The following PI4KA variants were observed in gnomAD, a reference collection of about 807,000 sequenced individuals.
PI4KA encodes the protein PI4-kinase alpha.
Under a neutral mutation model 271.4 loss-of-function variants are expected in PI4KA, and 122 were observed. That is an observed-to-expected ratio of 0.45 (90% confidence interval 0.39 to 0.52). PI4KA has a LOEUF of 0.52. Among genes scored for constraint, PI4KA ranks in the 20% least tolerant of loss-of-function variants. The pLI, the probability that PI4KA is intolerant of heterozygous loss-of-function variation, is 0.00. For synonymous variants in PI4KA, 1,041 were observed against 1,078.8 expected, an observed-to-expected ratio of 0.96 and a Z score of 0.69; for missense variants, 1,969 against 2,769.1, an observed-to-expected ratio of 0.71 and a Z score of 6.48.
intron 9 of PI4KA, among the ~76,000 whole-genome samples, chr22:20,808,715 G>C (rs574008957): frequency 6.7e-6 from 1 of 149,682 alleles, no homozygotes; most frequent in Admixed American, 6.7e-5. Flanking sequence ...GTCTCACTCT[G>C]TACCCCAGGC....
chr22:20,800,853 G>A (rs866332783), intron 14 of PI4KA, among the ~76,000 whole-genome samples: 42 of 145,180 alleles, frequency 2.9e-4, no homozygotes, highest in African/African-American at 8.0e-4. Context: ...CAGCCTGGGC[G>A]ACAAAGCAAG....
intron 9 of PI4KA, among the ~76,000 whole-genome samples, chr22:20,810,510 A>G (rs886342001): frequency 6.8e-6 from 1 of 147,626 alleles, no homozygotes; most frequent in African/African-American, 2.5e-5. Flanking sequence ...CTCCATCTCA[A>G]AAAAAAAAAA....
chr22:20,779,406 G>A, intron 19 of PI4KA: 1 of 1,614,226 alleles, frequency 6.2e-7, no homozygotes, highest in Non-Finnish European at 8.5e-7. Context: ...AGAGAAAGGA[G>A]GGGAAACTGC....
rs765740972 is a variant in PI4KA at position 20,713,424 on chromosome 22, T to C, written c.5462-34A>G. On this transcript the variant is annotated intron_variant, in intron 47 of 54. Transcript: ENST00000255882. ...AGGGAGAGAGGCCGCTGTTAGCCTGTAGGCAGTGAGAAGCCCTCTGAGGGG... is the reference window on the plus strand; with the variant it reads ...AGGGAGAGAGGCCGCTGTTAGCCTGCAGGCAGTGAGAAGCCCTCTGAGGGG... The C allele has an allele frequency of 9.9e-6, 15 of 1,517,760 alleles. No individual in the cohort carries two copies. In the African/African-American group the frequency reaches 1.1e-4, roughly 11 times the overall value. The allele number at this position is 1,517,760 out of a possible 1,614,324, so 94.0% of individuals were successfully genotyped here.
At chr22:20,820,416 TA>T in intron 5 of PI4KA, 122 bp downstream of exon 5, 1 of 679,614 alleles carries the variant, frequency 1.5e-6, no homozygotes, top group Non-Finnish European at 2.6e-6. Context: ...CAAATCAAAC[TA>T]AAATAGGAAG....
At chr22:20,783,245 A>T (rs1933934914) in intron 19 of PI4KA, among the ~76,000 whole-genome samples, 1 of 152,168 alleles carries the variant, frequency 6.6e-6, no homozygotes, top group South Asian at 2.1e-4. Flanking sequence ...GCAACATGGC[A>T]TCACCCAAAT....
At chr22:20,818,746 C>T (rs566134173) in intron 6 of PI4KA, among the ~76,000 whole-genome samples, 197 bp from the exon 7 acceptor site, 3 of 152,208 alleles carry the variant, frequency 2.0e-5, no homozygotes, top group East Asian at 1.9e-4. Context: ...TGTGTTTAGC[C>T]GTATATTTGA....
Position 20,807,457 on chromosome 22 carries a change from G to T in PI4KA, c.1073C>A (p.Ala358Asp). Residue 358 changes from alanine to aspartate, a missense_variant and splice_region_variant, in exon 10 of 55, where the codon GCC becomes GAC. By Grantham distance (126) the Ala-to-Asp change is moderately radical. Around this residue, in one of 13 missense-constraint regions of PI4KA, gnomAD observed 540 missense variants for 555.5 expected, o/e 0.97. Transcript: ENST00000255882. ...LDAIVASVME[A>D]NPSADLYYTS... is the part of the protein sequence containing the mutation. ...GTAGTAGAGATCAGCACTGGGGTTGGCCTGCAGGGAAGGCAGACACACATG... is the reference window on the plus strand; with the variant it reads ...GTAGTAGAGATCAGCACTGGGGTTGTCCTGCAGGGAAGGCAGACACACATG... 1.2e-6 allele frequency: 2 copies of T among 1,600,510 alleles called. No individual in the cohort carries two copies. Among genetic ancestry groups the T allele is most frequent in the Non-Finnish European group, 1.7e-6 (2 of 1,167,776 alleles).
Position 20,798,479 on chromosome 22 carries a change from T to A in PI4KA, c.2108+105A>T. 4.9e-6 allele frequency: 4 copies of A among 812,688 alleles called. No homozygotes were observed. The South Asian group carries it at 5.7e-5, about 12-fold the overall frequency. 50.3% of individuals were successfully genotyped at this position (812,688 alleles called of 1,614,324 possible). On this transcript the variant is annotated intron_variant, in intron 17 of 54. Coordinates refer to ENST00000255882, the MANE Select transcript of PI4KA (RefSeq NM_058004.4). ...TGTGCACTGATCTGTAGCATATAGT[T>A]TTCTTGCAAGAAGAGTTTATTTAAG...
In PI4KA at chr22:20,819,913, G is replaced by T. The variant is rs112249539; in HGVS notation, c.530-13C>A. On this transcript the variant is annotated splice_polypyrimidine_tract_variant and intron_variant, in intron 5 of 54. Coordinates refer to ENST00000255882, the MANE Select transcript of PI4KA (RefSeq NM_058004.4). Reference sequence around the variant, plus strand: ...TTGCAAAGGTATTCTAGAAGATCAAGTGAAAACGTTACAATATAAGAAAGT... The same window carrying T: ...TTGCAAAGGTATTCTAGAAGATCAATTGAAAACGTTACAATATAAGAAAGT... 3.1e-6 allele frequency: 5 copies of T among 1,608,716 alleles called. No individual in the cohort carries two copies. Among genetic ancestry groups the T allele is most frequent in the Admixed American group, 1.7e-5 (1 of 59,862 alleles).
chr22:20,758,390 C>A (rs3859861), intron 23 of PI4KA, among the ~76,000 whole-genome samples: 2,122 of 47,916 alleles, frequency 0.044, 115 homozygotes, highest in Middle Eastern at 0.1. Context: ...AAAAAAAAAA[C>A]ATGAGATTCT....
At chr22:20,723,456 G>A (rs899623349) in intron 42 of PI4KA, among the ~76,000 whole-genome samples, 3 of 151,964 alleles carry the variant, frequency 2.0e-5, no homozygotes, top group African/African-American at 7.2e-5. Context: ...CCAGCATTTT[G>A]GGAGGCCGAG....
Position 20,708,497 on chromosome 22 carries a change from C to T in PI4KA, c.6258-399G>A, listed in dbSNP as rs887680189. Among the ~76,000 whole-genome samples, 17 of 148,256 alleles carry T rather than the reference C, an allele frequency of 1.1e-4. 1 individual carries two copies. In the East Asian group the frequency reaches 1.7e-3, roughly 14 times the overall value. The stretch of plus-strand genomic sequence containing the variant: ...TCTCTGCTTCCTATCAGCAAGAGCT[C>T]CTTCCGTGCCCAGCCTCCACAGTGC... On this transcript the variant is annotated intron_variant, in intron 54 of 54. Transcript: ENST00000255882.
intron 3 of PI4KA, among the ~76,000 whole-genome samples, chr22:20,830,260 G>A (rs1923977578): frequency 6.6e-6 from 1 of 152,148 alleles, no homozygotes; most frequent in Non-Finnish European, 1.5e-5. Flanking sequence ...GTTATTATGT[G>A]GTTACCTAAG....
intron 1 of PI4KA, among the ~76,000 whole-genome samples, chr22:20,842,339 C>G (rs914350304): frequency 6.6e-6 from 1 of 152,144 alleles, no homozygotes; most frequent in African/African-American, 2.4e-5. Flanking sequence ...CAGTGAAACA[C>G]AGGTTGTGTT....
At chr22:20,783,871 A>C (rs1209022915) in intron 19 of PI4KA, 1 of 1,514,700 alleles carries the variant, frequency 6.6e-7, no homozygotes, top group Admixed American at 1.7e-5. Flanking sequence ...TCTGCAGGCT[A>C]TCTGAATGAG....
intron 19 of PI4KA, chr22:20,779,991 C>A: frequency 6.2e-7 from 1 of 1,614,106 alleles, no homozygotes. Context: ...CCTTTATATC[C>A]AGAAGCAGTT....
In PI4KA at chr22:20,813,526, G is replaced by C. The variant is rs1921347091; in HGVS notation, c.857-20C>G. On this transcript the variant is annotated intron_variant, in intron 7 of 54. Transcript: ENST00000255882. ...AGGAGGCTGGTGGGAGATAAAGCTG[G>C]AAACTCAGCCGTGGTGACAGGCAAC... The C allele has an allele frequency of 6.2e-7, 1 of 1,612,162 alleles. No individual in the cohort carries two copies. Among genetic ancestry groups the C allele is most frequent in the South Asian group, 1.1e-5 (1 of 90,878 alleles).
intron 9 of PI4KA, 134 bp downstream of exon 9, chr22:20,810,833 T>C: frequency 1.4e-6 from 1 of 740,240 alleles, no homozygotes; most frequent in Non-Finnish European, 2.4e-6. Flanking sequence ...AGGTGGATTG[T>C]TACCACATGA....
Sources: gnomAD v4.1 joint callset for allele counts (sites outside exome capture counted in the v4.1 genomes callset) on GRCh38, gnomAD v4.1.1 for gene constraint, gnomAD v4.1.1 regional missense constraint, MANE v1.5 for transcripts, NCBI Gene and HGNC (gene_info 2026-07-23, HGNC 2026-07-21) for gene names.